Variants in LRIG1 observed in about 807,000 individuals in gnomAD.
LRIG1 encodes leucine rich repeats and immunoglobulin like domains 1.
A neutral mutation model predicts 99.2 loss-of-function variants in LRIG1; 48 were observed. That is an observed-to-expected ratio of 0.48 (90% CI 0.38 to 0.62). The LOEUF is 0.62. Ranked by LOEUF, LRIG1 falls within the 20% of genes least tolerant of loss-of-function variation. The pLI, the probability that LRIG1 is intolerant of heterozygous loss-of-function variation, is 0.00. For missense variants in LRIG1, 1,646 were observed against 1,434.4 expected, an observed-to-expected ratio of 1.15 and a Z score of -2.38; for synonymous variants, 772 against 596.1, an observed-to-expected ratio of 1.29 and a Z score of -4.30.
chr3:66,451,948 G>A lies in LRIG1; in HGVS notation c.291-315C>T, dbSNP rs543233266. Among the ~76,000 whole-genome samples the A allele has an allele frequency of 2.0e-5, 3 of 152,242 alleles. No homozygotes were observed. The South Asian group carries it at 6.2e-4, about 32-fold the overall frequency. On this transcript the variant is annotated intron_variant, in intron 2 of 18. Coordinates refer to ENST00000273261, the MANE Select transcript of LRIG1 (RefSeq NM_015541.3). Reference sequence around the variant, plus strand: ...TGAGAACAAGCCAAGAGGCAGGTTCGGGACAAAAGCGCCCCTAAGACCATC... The same window carrying A: ...TGAGAACAAGCCAAGAGGCAGGTTCAGGACAAAAGCGCCCCTAAGACCATC...
intron 1 of LRIG1, among the ~76,000 whole-genome samples, chr3:66,472,086 T>C (rs1184248721): frequency 2.6e-5 from 4 of 151,950 alleles, no homozygotes; most frequent in African/African-American, 9.7e-5. Flanking sequence ...AGGCAGACCA[T>C]GAGGTCAGGA....
At chr3:66,448,079 C>G (rs1201583885) in intron 3 of LRIG1, among the ~76,000 whole-genome samples, 1 of 152,210 alleles carries the variant, frequency 6.6e-6, no homozygotes, top group East Asian at 1.9e-4. Flanking sequence ...CCGGCATTAT[C>G]CTCAGAACAC....
chr3:66,429,992 G>C (rs1311833435), intron 3 of LRIG1, among the ~76,000 whole-genome samples: 2 of 152,194 alleles, frequency 1.3e-5, no homozygotes, highest in Non-Finnish European at 2.9e-5. Context: ...ACACCGGCTA[G>C]GAATTTTTAG....
intron 1 of LRIG1, among the ~76,000 whole-genome samples, chr3:66,472,303 CAAAAAAAAAAAAA>C (rs71105995): frequency 4.7e-5 from 3 of 63,868 alleles, no homozygotes; most frequent in African/African-American, 6.9e-5. Context: ...GACTCTGTCT[CAAAAAAAAAAAAA>C]AAAAAAAAAA....
intron 7 of LRIG1, among the ~76,000 whole-genome samples, chr3:66,408,554 G>A (rs536852525): frequency 9.2e-5 from 14 of 152,268 alleles, no homozygotes; most frequent in East Asian, 1.9e-4. Context: ...CCCGGACCCC[G>A]CAGAAGACAG....
chr3:66,464,483 C>A (rs1407665289), intron 1 of LRIG1, among the ~76,000 whole-genome samples: 1 of 144,606 alleles, frequency 6.9e-6, no homozygotes, highest in Non-Finnish European at 1.5e-5. Context: ...TTGTTTGGCC[C>A]ATTCAGGGTT....
chr3:66,392,357 G>A (rs1430062100), intron 12 of LRIG1, among the ~76,000 whole-genome samples: 1 of 152,150 alleles, frequency 6.6e-6, no homozygotes, highest in South Asian at 2.1e-4. Flanking sequence ...TTGAACTGAG[G>A]AACTGCCGAG....
In LRIG1 at chr3:66,402,158, T is replaced by G. The variant is rs114726217; in HGVS notation, c.1160+3040A>C. 2.3e-3 allele frequency among the ~76,000 whole-genome samples: 350 copies of G among 152,258 alleles called. 2 individuals are homozygous for G. Among genetic ancestry groups the G allele is most frequent in the African/African-American group, 8.3e-3 (343 of 41,556 alleles). ...ATGCCATGGAGCCAGCTGGAACCAC[T>G]GGGCAGGAAGTCGCATACCCAGGTC... is the stretch of plus-strand genomic sequence containing the variant. On this transcript the variant is annotated intron_variant, in intron 9 of 18. Coordinates refer to ENST00000273261, the MANE Select transcript of LRIG1 (RefSeq NM_015541.3).
intron 3 of LRIG1, among the ~76,000 whole-genome samples, chr3:66,438,812 G>A (rs1703448301): frequency 6.6e-6 from 1 of 152,338 alleles, no homozygotes; most frequent in South Asian, 2.1e-4. Context: ...CGCTGTGAGA[G>A]GCCACCTGGT....
chr3:66,448,888 A>C (rs562936147), intron 3 of LRIG1, among the ~76,000 whole-genome samples: 1 of 152,320 alleles, frequency 6.6e-6, no homozygotes, highest in South Asian at 2.1e-4. Flanking sequence ...TCTCCCTGGG[A>C]CAGCCTCTGG....
chr3:66,485,995 A>G (rs1700965526), intron 1 of LRIG1, among the ~76,000 whole-genome samples: 1 of 152,204 alleles, frequency 6.6e-6, no homozygotes, highest in African/African-American at 2.4e-5. Context: ...TCTTCTAAAC[A>G]TGTACACGCA....
intron 15 of LRIG1, 29 bp downstream of exon 15, chr3:66,382,953 G>C (rs779064869): frequency 1.9e-6 from 3 of 1,567,608 alleles, no homozygotes; most frequent in East Asian, 2.3e-5. Flanking sequence ...CTCCCTCCTT[G>C]AAAGTCAGCT....
chr3:66,453,292 G>A (rs141777707), intron 2 of LRIG1, among the ~76,000 whole-genome samples: 1 of 152,300 alleles, frequency 6.6e-6, no homozygotes, highest in Non-Finnish European at 1.5e-5. Context: ...AAAAACAAAA[G>A]CAGGTAAATT....
chr3:66,407,618 T>G, intron 7 of LRIG1, 127 bp from the exon 8 acceptor site: 1 of 867,396 alleles, frequency 1.2e-6, no homozygotes, highest in Admixed American at 2.4e-5. Context: ...CGCACGCGCG[T>G]GCGTGCACAC....
At chr3:66,452,810 T>C (rs1703949963) in intron 2 of LRIG1, among the ~76,000 whole-genome samples, 1 of 152,122 alleles carries the variant, frequency 6.6e-6, no homozygotes, top group African/African-American at 2.4e-5. Flanking sequence ...CAAAGCCAGT[T>C]AGGGATGAAG....
chr3:66,500,308 C>T lies in LRIG1; in HGVS notation c.100G>A (p.Ala34Thr). 2.0e-6 allele frequency: 3 copies of T among 1,475,538 alleles called. No homozygotes were observed. Among genetic ancestry groups the T allele is most frequent in the Non-Finnish European group, 2.7e-6 (3 of 1,117,512 alleles). The allele number at this position is 1,475,538 out of a possible 1,614,324, so 91.4% of individuals were successfully genotyped here. ...GCGCAGGGCGCCCGCGGGCCGGCCG[C>T]GGCGGTCACCGGCTCCAGCCGAAGC... The part of the protein sequence containing the change: ...LLLRLEPVTA[A>T]AGPRAPCAAA... The change falls in exon 1 of 19, where the codon GCG becomes ACG. Residue 34 changes from alanine (A) to threonine (T), a missense_variant. Physicochemically the swap from Ala to Thr is moderately conservative, Grantham distance 58. Coordinates refer to ENST00000273261, the MANE Select transcript of LRIG1 (RefSeq NM_015541.3).
At chr3:66,414,572 T>C (rs1243410739) in intron 5 of LRIG1, among the ~76,000 whole-genome samples, 1 of 152,030 alleles carries the variant, frequency 6.6e-6, no homozygotes, top group Non-Finnish European at 1.5e-5. Flanking sequence ...ATTTTACGGG[T>C]ATCTTAAAAA....
intron 12 of LRIG1, among the ~76,000 whole-genome samples, chr3:66,390,383 GAATA>G (rs1377818209): frequency 9.9e-5 from 15 of 152,190 alleles, no homozygotes; most frequent in Non-Finnish European, 1.8e-4. Flanking sequence ...ATAGCAAAAA[GAATA>G]AAAACAGAAA....
chr3:66,394,307 A>G lies in LRIG1; in HGVS notation c.1305-104T>C. On this transcript the variant is annotated intron_variant, in intron 11 of 18. Coordinates refer to ENST00000273261, the MANE Select transcript of LRIG1 (RefSeq NM_015541.3). ...CGCCTCCAATCAGCTTCTCAAGTGA[A>G]CATCAGCAAGCTGGAAGGGGGAAAT... The G allele has an allele frequency of 2.1e-6, 2 of 972,566 alleles. 1 individual carries two copies. Among genetic ancestry groups the G allele is most frequent in the Non-Finnish European group, 3.0e-6 (2 of 669,880 alleles). The allele number at this position is 972,566 out of a possible 1,614,324, so 60.2% of individuals were successfully genotyped here.
Sources: gnomAD v4.1 joint callset for allele counts (sites outside exome capture counted in the v4.1 genomes callset) on GRCh38, gnomAD v4.1.1 for gene constraint, MANE v1.5 for transcripts, NCBI Gene and HGNC (gene_info 2026-07-23, HGNC 2026-07-21) for gene names.